Variants in MTHFD1L observed in about 807,000 individuals in gnomAD.
MTHFD1L encodes the protein monofunctional C1-tetrahydrofolate synthase, mitochondrial.
MTHFD1L carries 81 observed loss-of-function variants against 119.5 expected under a neutral mutation model. The observed-to-expected ratio is 0.68, with a 90% CI of 0.57 to 0.82. MTHFD1L has a LOEUF of 0.82. Among genes scored for constraint, MTHFD1L ranks in the 40% least tolerant of loss-of-function variants. MTHFD1L has a pLI of 0.00. For missense variants in MTHFD1L, 1,125 were observed against 1,253.4 expected, an observed-to-expected ratio of 0.90 and a Z score of 1.55; for synonymous variants, 430 against 475.2, an observed-to-expected ratio of 0.90 and a Z score of 1.24.
At chr6:151,082,176 T>C (rs1237191643) in intron 26 of MTHFD1L, among the ~76,000 whole-genome samples, 1 of 152,234 alleles carries the variant, frequency 6.6e-6, no homozygotes, top group African/African-American at 2.4e-5. Flanking sequence ...AAACGGCTGA[T>C]GAATGAGTAT....
intron 24 of MTHFD1L, among the ~76,000 whole-genome samples, chr6:151,025,930 A>G (rs1784555778): frequency 1.3e-5 from 2 of 152,228 alleles, no homozygotes; most frequent in Non-Finnish European, 2.9e-5. Flanking sequence ...TCTGAGTAAG[A>G]TGAGACGCCC....
At chr6:151,016,928 G>A (rs1459740763) in intron 24 of MTHFD1L, among the ~76,000 whole-genome samples, 1 of 151,338 alleles carries the variant, frequency 6.6e-6, no homozygotes, top group African/African-American at 2.4e-5. Flanking sequence ...GCAAGCAAGC[G>A]TGCCTGGCTA....
At chr6:150,981,180 C>A (rs974065321) in intron 20 of MTHFD1L, among the ~76,000 whole-genome samples, 9 of 152,100 alleles carry the variant, frequency 5.9e-5, no homozygotes, top group Non-Finnish European at 1.3e-4. Flanking sequence ...AACTTCTGAC[C>A]CTTTGTAACC....
At chr6:151,073,049 C>A (rs151122326) in intron 26 of MTHFD1L, among the ~76,000 whole-genome samples, 9 of 152,206 alleles carry the variant, frequency 5.9e-5, no homozygotes, top group African/African-American at 1.7e-4. Context: ...TTGTCCTTAT[C>A]TAGAAAAAGT....
intron 10 of MTHFD1L, 80 bp downstream of exon 10, chr6:150,922,382 A>T (rs541935553): frequency 2.8e-6 from 3 of 1,064,724 alleles, no homozygotes; most frequent in Non-Finnish European, 2.8e-6. Flanking sequence ...GAGAAGCACA[A>T]CTCATGGTAC....
intron 16 of MTHFD1L, among the ~76,000 whole-genome samples, chr6:150,953,402 C>T (rs575169272): frequency 6.6e-4 from 101 of 152,322 alleles, no homozygotes; most frequent in African/African-American, 2.4e-3. Flanking sequence ...TGGCATTGTC[C>T]TAGCATGCCT....
At position 150,949,169 on chromosome 6, in the gene MTHFD1L, AGGT is replaced by A. The variant is rs1248172071; in HGVS notation, c.1726+39_1726+41del. On this transcript the variant is annotated intron_variant, in intron 16 of 27. Coordinates refer to ENST00000367321, the MANE Select transcript of MTHFD1L (RefSeq NM_015440.5). ...GGGAGATGCCAGCAGGCTGATGGCC[AGGT>A]GGGGAGGCGTGTTCGAGCCGAAGCG... is the stretch of plus-strand genomic sequence containing the variant. The A allele has an allele frequency of 1.9e-6, 3 of 1,551,644 alleles. No homozygotes were observed. In the African/African-American group the frequency reaches 4.1e-5, roughly 21 times the overall value.
At chr6:150,980,551 G>A (rs1403209700) in intron 20 of MTHFD1L, among the ~76,000 whole-genome samples, 3 of 151,944 alleles carry the variant, frequency 2.0e-5, no homozygotes, top group Admixed American at 1.3e-4. Flanking sequence ...TTAACATGTC[G>A]CTGTGTGTCC....
rs572215299 is a variant in MTHFD1L at position 151,008,990 on chromosome 6, T to C, written c.2126-829T>C. 6.1e-4 allele frequency among the ~76,000 whole-genome samples: 92 copies of C among 150,634 alleles called. 4 individuals carry two copies. In the South Asian group the frequency reaches 0.019, roughly 31 times the overall value. On this transcript the variant is annotated intron_variant, in intron 20 of 27. Transcript: ENST00000367321. Reference sequence around the variant, plus strand: ...AAAAAAAATTAGCCGGGTGTGGTGGTGGGTTCCTGTAATCCCAGCTACTTG... The same window carrying C: ...AAAAAAAATTAGCCGGGTGTGGTGGCGGGTTCCTGTAATCCCAGCTACTTG...
chr6:150,934,235 C>G (rs1791664988), intron 11 of MTHFD1L, among the ~76,000 whole-genome samples: 3 of 152,190 alleles, frequency 2.0e-5, no homozygotes, highest in Admixed American at 1.3e-4. Flanking sequence ...AATAATTAAC[C>G]CCATAAATAT....
Position 150,885,112 on chromosome 6 carries a change from G to A in MTHFD1L, c.543-522G>A, listed in dbSNP as rs562075292. Among the ~76,000 whole-genome samples, 26 of 152,222 alleles carry A rather than the reference G, an allele frequency of 1.7e-4. No homozygotes were observed. In the South Asian group the frequency reaches 3.7e-3, roughly 22 times the overall value. On this transcript the variant is annotated intron_variant, in intron 5 of 27. Coordinates refer to ENST00000367321, the MANE Select transcript of MTHFD1L (RefSeq NM_015440.5). ...CACCCAATGTCAGGGCCAGGGTGAAGTTTCCTAAGGTACTGCCTTAGAATT... is the reference window on the plus strand; with the variant it reads ...CACCCAATGTCAGGGCCAGGGTGAAATTTCCTAAGGTACTGCCTTAGAATT...
At chr6:150,985,442 G>A (rs749962032) in intron 20 of MTHFD1L, among the ~76,000 whole-genome samples, 7 of 151,938 alleles carry the variant, frequency 4.6e-5, no homozygotes, top group East Asian at 1.9e-4. Flanking sequence ...TTGGGAGGCC[G>A]AGGCGGGTGG....
chr6:150,867,794 CTTTT>C (rs35396368), intron 1 of MTHFD1L, among the ~76,000 whole-genome samples: 4 of 115,926 alleles, frequency 3.5e-5, no homozygotes, highest in Admixed American at 2.7e-4. Context: ...CATACATATT[CTTTT>C]TTTTTTTTTT....
intron 21 of MTHFD1L, among the ~76,000 whole-genome samples, chr6:151,012,019 C>CAACAACAAAAAAAAAAAAAAA (rs1340191391): frequency 1.7e-5 from 1 of 58,840 alleles, no homozygotes; most frequent in African/African-American, 5.8e-5. Context: ...ACAACAACAA[C>CAACAACAAAAAAAAAAAAAAA]AAAAAAAAAA....
Position 150,865,862 on chromosome 6 carries a change from CG to C in MTHFD1L, c.41del (p.Arg14ProfsTer73). The C allele has an allele frequency of 8.2e-7, 1 of 1,220,908 alleles. No individual in the cohort carries two copies. Among genetic ancestry groups the C allele is most frequent in the Non-Finnish European group, 1.0e-6 (1 of 979,546 alleles). The allele number at this position is 1,220,908 out of a possible 1,614,324, so 75.6% of individuals were successfully genotyped here. On this transcript the variant is annotated frameshift_variant, in exon 1 of 28. Coordinates refer to ENST00000367321, the MANE Select transcript of MTHFD1L (RefSeq NM_015440.5). LOFTEE classifies it high-confidence loss of function. ...GCCGCTCGTCCTGCGCCAGCTCCGC[CG>C]CCCGCCCCAGCCCCCGGGCCCTCCG... is the stretch of plus-strand genomic sequence containing the variant. ...RLPLVLRQLR[R>X]PPQPPGPPRR...
intron 7 of MTHFD1L, among the ~76,000 whole-genome samples, chr6:150,892,488 G>GT (rs925352600): frequency 2.0e-5 from 3 of 152,150 alleles, no homozygotes; most frequent in Admixed American, 6.5e-5. Context: ...TTGCACACAC[G>GT]TTTTTTTCCC....
intron 15 of MTHFD1L, among the ~76,000 whole-genome samples, chr6:150,946,356 G>T (rs1354459558): frequency 6.6e-6 from 1 of 152,178 alleles, no homozygotes; most frequent in Non-Finnish European, 1.5e-5. Flanking sequence ...CACCATGTTG[G>T]CCAGGCTGGT....
chr6:150,992,642 C>T (rs1779204354), intron 20 of MTHFD1L, among the ~76,000 whole-genome samples: 2 of 152,186 alleles, frequency 1.3e-5, no homozygotes, highest in Admixed American at 6.5e-5. Flanking sequence ...TATGTGGTTA[C>T]ATCTTCACTT....
At chr6:150,983,043 T>C (rs1436392051) in intron 20 of MTHFD1L, among the ~76,000 whole-genome samples, 1 of 152,206 alleles carries the variant, frequency 6.6e-6, no homozygotes, top group Non-Finnish European at 1.5e-5. Flanking sequence ...GCTAATCTGA[T>C]GGTAGTTCAT....
Sources: allele counts gnomAD v4.1 joint callset (sites outside exome capture counted in the v4.1 genomes callset), GRCh38; gene constraint gnomAD v4.1.1; transcripts MANE v1.5; gene names NCBI Gene and HGNC (gene_info 2026-07-23, HGNC 2026-07-21).